Variants in ITPR1 observed in about 807,000 individuals in gnomAD.
ITPR1 encodes the protein inositol 1,4,5-trisphosphate-gated calcium channel ITPR1.
A neutral mutation model predicts 318.4 loss-of-function variants in ITPR1; 96 were observed. The observed-to-expected ratio is 0.30, with a 90% CI of 0.26 to 0.36. The LOEUF (loss-of-function observed/expected upper bound fraction) is 0.36, where lower values mean the gene tolerates loss of function less well. Ranked by LOEUF, ITPR1 falls within the 10% of genes least tolerant of loss-of-function variation. The pLI is 1.00. For synonymous variants in ITPR1, 1,312 were observed against 1,289.9 expected (o/e 1.02, Z -0.37); for missense variants, 2,440 against 3,460.2 (o/e 0.71, Z 7.40).
chr3:4,678,059 C>G (rs191601081), intron 24 of ITPR1, among the ~76,000 whole-genome samples: 3 of 152,078 alleles, frequency 2.0e-5, no homozygotes, highest in East Asian at 1.9e-4. Context: ...GTTGCCTGAT[C>G]TCAACCCCAA....
intron 32 of ITPR1, among the ~76,000 whole-genome samples, chr3:4,691,753 G>C (rs1036121004): frequency 6.6e-6 from 1 of 152,236 alleles, no homozygotes; most frequent in South Asian, 2.1e-4. Context: ...TTGAGGAGCA[G>C]TTGGTCTGTG....
At chr3:4,529,863 A>G (rs1023428764) in intron 4 of ITPR1, among the ~76,000 whole-genome samples, 5 of 152,204 alleles carry the variant, frequency 3.3e-5, no homozygotes, top group African/African-American at 1.2e-4. Context: ...TAACAACCCC[A>G]TAAGTAAGAC....
Position 4,779,474 on chromosome 3 carries a change from C to T in ITPR1, c.6292-76C>T. ...GTTTAGCCGGGATGCCTCCCATGTG[C>T]CAGTTGGCACCTGCATTCAGGCCGG... On this transcript the variant is annotated intron_variant, in intron 48 of 61. Coordinates refer to ENST00000649015, the MANE Select transcript of ITPR1 (RefSeq NM_001378452.1). The surrounding 1 kb of genome is among the most constrained non-coding windows in gnomAD (Gnocchi z 4.0). 5.8e-6 allele frequency: 6 copies of T among 1,040,648 alleles called. No homozygotes were observed. 64.5% of individuals were successfully genotyped at this position (1,040,648 alleles called of 1,614,324 possible).
At chr3:4,825,521 G>A (rs939538788) in intron 60 of ITPR1, among the ~76,000 whole-genome samples, 1 of 152,182 alleles carries the variant, frequency 6.6e-6, no homozygotes, top group African/African-American at 2.4e-5. Flanking sequence ...AAGCAAATAA[G>A]TTCTATTAGC....
At chr3:4,543,885 G>A (rs749268314) in intron 4 of ITPR1, among the ~76,000 whole-genome samples, 11 of 152,172 alleles carry the variant, frequency 7.2e-5, no homozygotes, top group Non-Finnish European at 1.3e-4. Context: ...TCTCAAAATC[G>A]TGTCTTTTTG....
At position 4,800,587 on chromosome 3, in the gene ITPR1, T is replaced by TG; in HGVS notation, c.7097dup (p.Ala2367ArgfsTer7). On this transcript the variant is annotated frameshift_variant, in exon 54 of 62. Transcript: ENST00000649015. LOFTEE classifies it high-confidence loss of function. ...GGGTTACAACCCACGTTGTTTCTTC[T>TG]GGGCGCTTTCAATGTAAGTGTGAAT... 6.2e-7 allele frequency: 1 copy of TG among 1,614,064 alleles called. No individual in the cohort carries two copies. Among genetic ancestry groups the TG allele is most frequent in the Non-Finnish European group, 8.5e-7 (1 of 1,179,878 alleles).
intron 44 of ITPR1, among the ~76,000 whole-genome samples, chr3:4,743,058 A>T (rs761363676): frequency 2.0e-5 from 3 of 152,256 alleles, no homozygotes; most frequent in Non-Finnish European, 4.4e-5. Context: ...AATGAGAGAC[A>T]TTCTGGGATG....
chr3:4,680,543 G>C lies in ITPR1; in HGVS notation c.2968-10G>C. 6.2e-7 allele frequency: 1 copy of C among 1,612,306 alleles called. No homozygotes were observed. Among genetic ancestry groups the C allele is most frequent in the Non-Finnish European group, 8.5e-7 (1 of 1,178,630 alleles). ...AACCAATCTGTTTCCATTTCCACTT[G>C]AATCTTTAGTTTATTTTGAATGTGA... On this transcript the variant is annotated splice_polypyrimidine_tract_variant and intron_variant, in intron 24 of 61. Transcript: ENST00000649015.
intron 44 of ITPR1, among the ~76,000 whole-genome samples, chr3:4,737,790 AT>A (rs558288237): frequency 9.1e-4 from 139 of 152,148 alleles, no homozygotes; most frequent in Non-Finnish European, 1.8e-3. Context: ...GGGAGAGGAT[AT>A]TTTCTCATAA....
chr3:4,496,418 A>T (rs304070), intron 2 of ITPR1, among the ~76,000 whole-genome samples: 1 of 151,976 alleles, frequency 6.6e-6, no homozygotes, highest in Non-Finnish European at 1.5e-5. Flanking sequence ...TATCATTCTT[A>T]TCAGGCAGGG....
chr3:4,766,773 T>G, intron 45 of ITPR1, 63 bp downstream of exon 45: 1 of 1,270,776 alleles, frequency 7.9e-7, no homozygotes, highest in Non-Finnish European at 1.1e-6. Flanking sequence ...TTGTTATCCT[T>G]CATTGTTTTC....
At chr3:4,530,249 C>T (rs2083303290) in intron 4 of ITPR1, among the ~76,000 whole-genome samples, 1 of 152,148 alleles carries the variant, frequency 6.6e-6, no homozygotes, top group Non-Finnish European at 1.5e-5. Context: ...TTTTGGAGCA[C>T]TCAAAGGGAC....
chr3:4,735,179 C>G lies in ITPR1; in HGVS notation c.5369C>G (p.Ser1790Cys). 6.2e-7 allele frequency: 1 copy of G among 1,613,162 alleles called. No homozygotes were observed. The highest frequency in any genetic ancestry group is 8.5e-7 in the Non-Finnish European group (1 of 1,179,192). ...ATCTTCTTAGGGGGAGGTTCCGGAT[C>G]CAGCTCTATGAGCAGGGGTGAGATG... is the stretch of plus-strand genomic sequence containing the variant. ...KPGGGGGGSG[S>C]SSMSRGEMSL... The change falls in exon 44 of 62, where the codon TCC becomes TGC. Residue 1790 changes from serine to cysteine, a missense_variant. Physicochemically the swap from Ser to Cys is moderately radical, Grantham distance 112. Transcript: ENST00000649015.
chr3:4,745,033 C>A (rs367572060), intron 44 of ITPR1, among the ~76,000 whole-genome samples: 70 of 117,998 alleles, frequency 5.9e-4, no homozygotes, highest in African/African-American at 2.3e-3. Flanking sequence ...CCTTTCTTTT[C>A]TTCTTTATCT....
intron 2 of ITPR1, among the ~76,000 whole-genome samples, chr3:4,497,952 A>G (rs1175438789): frequency 6.6e-6 from 1 of 152,234 alleles, no homozygotes; most frequent in African/African-American, 2.4e-5. Flanking sequence ...AAATAAAAGG[A>G]CACATATTTT....
intron 2 of ITPR1, among the ~76,000 whole-genome samples, chr3:4,504,743 G>A (rs999950742): frequency 3.9e-5 from 6 of 152,194 alleles, no homozygotes; most frequent in Admixed American, 6.5e-5. Context: ...AGGAACAGGA[G>A]CAGAGACTGT....
At chr3:4,540,387 G>A (rs2084321438) in intron 4 of ITPR1, among the ~76,000 whole-genome samples, 1 of 152,090 alleles carries the variant, frequency 6.6e-6, no homozygotes, top group African/African-American at 2.4e-5. Flanking sequence ...TTTTAGAGCT[G>A]TCTCTCATAA....
chr3:4,731,207 C>G (rs2042905590), intron 42 of ITPR1, among the ~76,000 whole-genome samples: 1 of 152,148 alleles, frequency 6.6e-6, no homozygotes, highest in South Asian at 2.1e-4. Flanking sequence ...CCTTTTAAAT[C>G]ACTGCGTTCC....
At chr3:4,578,466 AGTGAGAATTTTTATTGT>A (rs2088926299) in intron 4 of ITPR1, among the ~76,000 whole-genome samples, 1 of 152,022 alleles carries the variant, frequency 6.6e-6, no homozygotes, top group African/African-American at 2.4e-5. Flanking sequence ...TTGCTTTGCC[AGTGAGAATTTTTATTGT>A]GTGTGTGTGT....
Sources: allele counts gnomAD v4.1 joint callset (sites outside exome capture counted in the v4.1 genomes callset), GRCh38; gene constraint gnomAD v4.1.1; non-coding constraint Gnocchi (gnomAD v3.1); transcripts MANE v1.5; gene names NCBI Gene and HGNC (gene_info 2026-07-23, HGNC 2026-07-21).